Variants in LHFPL3 observed in about 807,000 individuals in gnomAD.
The protein encoded by LHFPL3 is LHFPL tetraspan subfamily member 3 protein.
A neutral mutation model predicts 19.3 loss-of-function variants in LHFPL3; 5 were observed. The ratio of observed to expected loss-of-function variants is 0.26; its 90% CI spans 0.14 to 0.54. LHFPL3 has a LOEUF of 0.54. LHFPL3 is among the 20% of genes least tolerant of loss of function. The probability of loss-of-function intolerance (pLI) is 0.94; values close to 1 mark genes in which losing one functional copy is unlikely to be tolerated. For missense variants in LHFPL3, 249 were observed against 307.4 expected, an observed-to-expected ratio of 0.81 and a Z score of 1.42; for synonymous variants, 133 against 126.2, an observed-to-expected ratio of 1.05 and a Z score of -0.36.
At chr7:104,905,282 T>C (rs1368555210) in intron 2 of LHFPL3, among the ~76,000 whole-genome samples, 1 of 151,968 alleles carries the variant, frequency 6.6e-6, no homozygotes, top group Non-Finnish European at 1.5e-5. Context: ...TATAAATAGA[T>C]CTTTATATAA....
intron 1 of LHFPL3, among the ~76,000 whole-genome samples, chr7:104,656,365 A>T (rs1792121328): frequency 6.6e-6 from 1 of 152,114 alleles, no homozygotes; most frequent in Admixed American, 6.6e-5. Context: ...GAGGAGGGAA[A>T]TACAAGCTAG....
chr7:104,866,100 G>A (rs993981703), intron 2 of LHFPL3, among the ~76,000 whole-genome samples: 14 of 152,214 alleles, frequency 9.2e-5, no homozygotes, highest in South Asian at 2.1e-4. Flanking sequence ...AGAAACAAGC[G>A]GTCCCAGCCA....
At chr7:104,577,768 G>A (rs905610289) in intron 1 of LHFPL3, among the ~76,000 whole-genome samples, 2 of 152,110 alleles carry the variant, frequency 1.3e-5, no homozygotes, top group South Asian at 2.1e-4. Flanking sequence ...CTGTGGCTCC[G>A]TGAGTGGTCA....
At chr7:104,379,407 T>A (rs1790780359) in intron 1 of LHFPL3, among the ~76,000 whole-genome samples, 1 of 152,194 alleles carries the variant, frequency 6.6e-6, no homozygotes, top group Non-Finnish European at 1.5e-5. Context: ...TGCCTCTTCA[T>A]TTTTTGTGTT....
intron 1 of LHFPL3, among the ~76,000 whole-genome samples, chr7:104,335,581 C>A (rs1036641618): frequency 6.6e-6 from 1 of 152,056 alleles, no homozygotes; most frequent in African/African-American, 2.4e-5. Flanking sequence ...ATAACCCATA[C>A]AATATATTGT....
intron 1 of LHFPL3, among the ~76,000 whole-genome samples, chr7:104,705,479 C>T (rs1458583736): frequency 6.6e-6 from 1 of 152,172 alleles, no homozygotes; most frequent in Non-Finnish European, 1.5e-5. Context: ...ACTGCATCTC[C>T]TTCAGGAGCC....
chr7:104,534,311 G>C (rs1222781164), intron 1 of LHFPL3, among the ~76,000 whole-genome samples: 2 of 152,184 alleles, frequency 1.3e-5, no homozygotes, highest in Non-Finnish European at 2.9e-5. Context: ...AGCTCAGTGT[G>C]TTTGAGACAG....
intron 1 of LHFPL3, among the ~76,000 whole-genome samples, chr7:104,703,834 CTCTT>C (rs1793142769): frequency 6.6e-6 from 1 of 151,824 alleles, no homozygotes; most frequent in Non-Finnish European, 1.5e-5. Context: ...GGTCAGCTCT[CTCTT>C]CTTTGCATTT....
chr7:104,505,515 G>A (rs928327314), intron 1 of LHFPL3, among the ~76,000 whole-genome samples: 3 of 152,160 alleles, frequency 2.0e-5, no homozygotes, highest in Non-Finnish European at 4.4e-5. Flanking sequence ...GACAAAAGAG[G>A]CATGATAACG....
intron 2 of LHFPL3, among the ~76,000 whole-genome samples, chr7:104,822,740 C>T (rs1790699462): frequency 6.6e-6 from 1 of 151,892 alleles, no homozygotes; most frequent in Non-Finnish European, 1.5e-5. Context: ...TGACACGGAG[C>T]TATGGTTCAA....
At chr7:104,656,572 T>C (rs1328502812) in intron 1 of LHFPL3, among the ~76,000 whole-genome samples, 7 of 152,200 alleles carry the variant, frequency 4.6e-5, no homozygotes, top group Non-Finnish European at 1.0e-4. Context: ...CATCTTTCCC[T>C]TTCATGCTTC....
At chr7:104,502,990 G>A (rs1294454568) in intron 1 of LHFPL3, among the ~76,000 whole-genome samples, 3 of 151,572 alleles carry the variant, frequency 2.0e-5, no homozygotes, top group Non-Finnish European at 2.9e-5. Flanking sequence ...AAATAATAAC[G>A]CCTTAAAATT....
intron 1 of LHFPL3, among the ~76,000 whole-genome samples, chr7:104,415,878 A>T (rs1055762321): frequency 6.6e-6 from 1 of 152,194 alleles, no homozygotes; most frequent in African/African-American, 2.4e-5. Flanking sequence ...GTCACAGAGC[A>T]TGAAGTGTAA....
At chr7:104,753,142 A>G (rs1584515630) in intron 2 of LHFPL3, among the ~76,000 whole-genome samples, 2 of 152,246 alleles carry the variant, frequency 1.3e-5, no homozygotes, top group East Asian at 3.8e-4. Flanking sequence ...CACTATGATT[A>G]TAATGTAACG....
At chr7:104,842,414 G>A (rs1791232410) in intron 2 of LHFPL3, among the ~76,000 whole-genome samples, 1 of 152,090 alleles carries the variant, frequency 6.6e-6, no homozygotes, top group African/African-American at 2.4e-5. Flanking sequence ...GGAGCCCAGA[G>A]CAGACCTTAG....
At chr7:104,516,310 A>G (rs1233937786) in intron 1 of LHFPL3, among the ~76,000 whole-genome samples, 4 of 152,140 alleles carry the variant, frequency 2.6e-5, no homozygotes, top group South Asian at 2.1e-4. Context: ...CTTATGATTC[A>G]GTTATCTCCC....
intron 1 of LHFPL3, among the ~76,000 whole-genome samples, chr7:104,491,686 G>C (rs571816877): frequency 6.6e-6 from 1 of 152,280 alleles, no homozygotes; most frequent in South Asian, 2.1e-4. Context: ...GTGCAGGTAG[G>C]AGGAGAGCAG....
intron 1 of LHFPL3, among the ~76,000 whole-genome samples, chr7:104,453,652 G>C (rs1157575300): frequency 1.3e-5 from 2 of 152,150 alleles, no homozygotes; most frequent in Non-Finnish European, 2.9e-5. Flanking sequence ...ATCTCATGGT[G>C]CATGTAATCC....
intron 2 of LHFPL3, among the ~76,000 whole-genome samples, chr7:104,819,817 G>A (rs1295970700): frequency 6.6e-6 from 1 of 152,138 alleles, no homozygotes; most frequent in Admixed American, 6.5e-5. Flanking sequence ...ATTTTTGAAG[G>A]CACATGGACA....
Sources: allele counts gnomAD v4.1 joint callset (sites outside exome capture counted in the v4.1 genomes callset), GRCh38; gene constraint gnomAD v4.1.1; transcripts MANE v1.5; gene names NCBI Gene and HGNC (gene_info 2026-07-23, HGNC 2026-07-21).